The following CHN1 variants were observed in gnomAD, a reference collection of about 807,000 sequenced individuals.
CHN1 encodes chimerin 1, also known as N-chimaerin.
CHN1 carries 37 observed loss-of-function variants against 59.5 expected under a neutral mutation model. The ratio of observed to expected loss-of-function variants is 0.62; its 90% CI spans 0.48 to 0.82. The LOEUF (loss-of-function observed/expected upper bound fraction) is 0.82. Among genes scored for constraint, CHN1 ranks in the 40% least tolerant of loss-of-function variants. CHN1 has a pLI of 0.00. For synonymous variants in CHN1, 206 were observed against 200.4 expected, an observed-to-expected ratio of 1.03 and a Z score of -0.24; for missense variants, 469 against 571.0, an observed-to-expected ratio of 0.82 and a Z score of 1.82.
At chr2:174,960,958 T>C (rs905262850) in intron 1 of CHN1, among the ~76,000 whole-genome samples, 12 of 151,564 alleles carry the variant, frequency 7.9e-5, no homozygotes, top group Admixed American at 7.9e-4. Context: ...AGACCTTGTC[T>C]CTAGAAAAAA....
At chr2:174,825,113 A>G (rs1685642655) in intron 7 of CHN1, among the ~76,000 whole-genome samples, 1 of 152,214 alleles carries the variant, frequency 6.6e-6, no homozygotes, top group Admixed American at 6.5e-5. Flanking sequence ...ACCCTAATCT[A>G]TACAAATACT....
At chr2:174,858,033 T>A (rs772404813) in intron 6 of CHN1, among the ~76,000 whole-genome samples, 2 of 152,154 alleles carry the variant, frequency 1.3e-5, no homozygotes. Flanking sequence ...TTTCAAGTTA[T>A]TGCATCTCAG....
At chr2:174,816,690 T>TTG in intron 8 of CHN1, among the ~76,000 whole-genome samples, 1 of 152,218 alleles carries the variant, frequency 6.6e-6, no homozygotes, top group South Asian at 2.1e-4. Flanking sequence ...CCTTCCAACT[T>TTG]TTCAGAGTCT....
chr2:174,920,277 T>C (rs759439505), intron 3 of CHN1, among the ~76,000 whole-genome samples: 10 of 152,204 alleles, frequency 6.6e-5, no homozygotes, highest in Non-Finnish European at 1.5e-4. Flanking sequence ...CTATGAATAA[T>C]GCTGCAAGGA....
rs77251464 is a variant in CHN1, at chr2:174,804,726, G to C, written c.1103-2914C>G. 2.0e-3 allele frequency among the ~76,000 whole-genome samples: 298 copies of C among 152,232 alleles called. 2 individuals carry two copies. Among genetic ancestry groups the C allele is most frequent in the African/African-American group, 6.8e-3 (282 of 41,554 alleles). On this transcript the variant is annotated intron_variant, in intron 11 of 12. Transcript: ENST00000409900. ...TTTTGGCTTCAGCAGCAGCGAGGAC[G>C]AGGCCTCTATTAACTGAGATTGGAA...
intron 1 of CHN1, among the ~76,000 whole-genome samples, chr2:174,989,245 G>A (rs1166672786): frequency 5.3e-5 from 8 of 151,752 alleles, no homozygotes; most frequent in Admixed American, 3.9e-4. Context: ...GTGTGGTGGC[G>A]GGCGCCTGTA....
chr2:174,867,736 C>T (rs958224439), intron 6 of CHN1, among the ~76,000 whole-genome samples: 7 of 151,988 alleles, frequency 4.6e-5, no homozygotes, highest in Non-Finnish European at 8.8e-5. Context: ...TATATATATA[C>T]ATTCACATGG....
At chr2:174,940,274 G>A (rs564234237) in intron 3 of CHN1, among the ~76,000 whole-genome samples, 21 of 152,044 alleles carry the variant, frequency 1.4e-4, no homozygotes, top group African/African-American at 4.3e-4. Context: ...TGATCCACCC[G>A]CCTTAGCCTC....
At chr2:174,907,897 A>G (rs1051535109) in intron 5 of CHN1, among the ~76,000 whole-genome samples, 3 of 152,202 alleles carry the variant, frequency 2.0e-5, no homozygotes, top group African/African-American at 4.8e-5. Flanking sequence ...GAAATGTGAC[A>G]TATTTTTAAA....
intron 4 of CHN1, among the ~76,000 whole-genome samples, chr2:174,916,147 T>C (rs1688842407): frequency 6.6e-6 from 1 of 152,156 alleles, no homozygotes; most frequent in African/African-American, 2.4e-5. Context: ...GACTGACTCT[T>C]ACGGAGGAGA....
intron 8 of CHN1, among the ~76,000 whole-genome samples, chr2:174,813,324 G>C (rs1685137331): frequency 6.6e-6 from 1 of 152,194 alleles, no homozygotes; most frequent in South Asian, 2.1e-4. Context: ...TATAGGATGA[G>C]GTATGGGGAA....
In CHN1 at chr2:174,989,789, C is replaced by CA. The variant is rs770863562; in HGVS notation, c.19+15104dup. On this transcript the variant is annotated intron_variant, in intron 1 of 12. Transcript: ENST00000409900. ...TGGGAAACACAGTGAAACCCTGTCT[C>CA]AAAAAAAAAAAAAAGTTGCATGTTT... Among the ~76,000 whole-genome samples the CA allele has an allele frequency of 2.9e-3, 371 of 126,860 alleles. 1 individual carries two copies. Among genetic ancestry groups the CA allele is most frequent in the African/African-American group, 5.7e-3 (195 of 34,126 alleles). 83.2% of individuals were successfully genotyped at this position (126,860 alleles called of 152,430 possible). A position where few individuals can be genotyped will look rare whatever the true frequency, so the allele number is the denominator to read the frequency against.
At chr2:174,955,377 A>C (rs1690173937) in intron 1 of CHN1, among the ~76,000 whole-genome samples, 1 of 151,974 alleles carries the variant, frequency 6.6e-6, no homozygotes, top group South Asian at 2.1e-4. Context: ...TAAGTGAAGT[A>C]ACTCAGGAAT....
intron 6 of CHN1, among the ~76,000 whole-genome samples, chr2:174,850,944 T>C (rs969526079): frequency 6.6e-6 from 1 of 152,126 alleles, no homozygotes; most frequent in African/African-American, 2.4e-5. Context: ...TGTTGCATAA[T>C]GGTCACTTTA....
chr2:174,948,267 T>C (rs1372944879), intron 2 of CHN1, among the ~76,000 whole-genome samples: 5 of 152,142 alleles, frequency 3.3e-5, no homozygotes, highest in African/African-American at 1.2e-4. Flanking sequence ...AAAACTCAGA[T>C]CTGGCAATAA....
Position 174,840,285 on chromosome 2 carries a change from C to T in CHN1, c.627+6595G>A, listed in dbSNP as rs572562506. Among the ~76,000 whole-genome samples, 4 of 151,108 alleles carry T rather than the reference C, an allele frequency of 2.6e-5. No homozygotes were observed. In the South Asian group the frequency reaches 8.4e-4, roughly 32 times the overall value. On this transcript the variant is annotated intron_variant, in intron 7 of 12. Coordinates refer to ENST00000409900, the MANE Select transcript of CHN1 (RefSeq NM_001822.7). ...CTGGCTCAAGTGATCTCACCTCAGC[C>T]TCCTAAGTAGCTGAAACCACAGGTG...
At chr2:174,835,106 A>C (rs1333393866) in intron 7 of CHN1, among the ~76,000 whole-genome samples, 1 of 152,168 alleles carries the variant, frequency 6.6e-6, no homozygotes, top group African/African-American at 2.4e-5. Context: ...TGGGGTTTCT[A>C]CTTTTGATAT....
chr2:174,899,076 T>C (rs1421265729), intron 5 of CHN1, among the ~76,000 whole-genome samples: 1 of 152,212 alleles, frequency 6.6e-6, no homozygotes, highest in East Asian at 1.9e-4. Context: ...CTTTGGTTCC[T>C]AGACCCCCAC....
At chr2:174,845,379 T>G (rs1017730043) in intron 7 of CHN1, among the ~76,000 whole-genome samples, 6 of 152,158 alleles carry the variant, frequency 3.9e-5, no homozygotes, top group African/African-American at 1.4e-4. Flanking sequence ...CAAAAGGATT[T>G]ATTTGGGGTC....
Sources: gnomAD v4.1 joint callset for allele counts (sites outside exome capture counted in the v4.1 genomes callset) on GRCh38, gnomAD v4.1.1 for gene constraint, MANE v1.5 for transcripts, NCBI Gene and HGNC (gene_info 2026-07-23, HGNC 2026-07-21) for gene names.